PCDH11X: variants seen among roughly 807,000 people sequenced by gnomAD.
The protein encoded by PCDH11X is protocadherin-11 X-linked.
A neutral mutation model predicts 53.3 loss-of-function variants in PCDH11X; 18 were observed. The ratio of observed to expected loss-of-function variants is 0.34; its 90% CI spans 0.23 to 0.50. PCDH11X has a LOEUF of 0.50. PCDH11X is among the 20% of genes least tolerant of loss of function. The pLI, the probability that PCDH11X is intolerant of heterozygous loss-of-function variation, is 0.98. For missense variants in PCDH11X, 570 were observed against 1,032.4 expected, an observed-to-expected ratio of 0.55 and a Z score of 6.14; for synonymous variants, 279 against 393.3, an observed-to-expected ratio of 0.71 and a Z score of 3.44.
chrX:92,104,486 A>G (rs2064333071), intron 6 of PCDH11X, among the ~76,000 whole-genome samples: 1 of 111,144 alleles, frequency 9.0e-6, no homozygotes, highest in South Asian at 3.8e-4. Flanking sequence ...CCATTTTACA[A>G]CAAGAATTAT....
chrX:91,896,488 T>C (rs1004119344), intron 6 of PCDH11X, among the ~76,000 whole-genome samples: 2 of 99,757 alleles, frequency 2.0e-5, no homozygotes, highest in African/African-American at 7.4e-5. Flanking sequence ...CTGACCTAAT[T>C]TTCAAGACTG....
chrX:91,969,218 T>G (rs2061911304), intron 6 of PCDH11X, among the ~76,000 whole-genome samples: 1 of 109,801 alleles, frequency 9.1e-6, no homozygotes, highest in African/African-American at 3.3e-5. Flanking sequence ...TCAGAAAGGG[T>G]GGCTTAATTA....
intron 5 of PCDH11X, among the ~76,000 whole-genome samples, chrX:91,862,143 C>G (rs964646840): frequency 2.7e-5 from 3 of 109,380 alleles, no homozygotes; most frequent in African/African-American, 1.0e-4. Context: ...ATTCTCTCCT[C>G]TATTTTTTGC....
At chrX:92,293,480 C>T (rs1432859454) in intron 8 of PCDH11X, among the ~76,000 whole-genome samples, 4 of 109,422 alleles carry the variant, frequency 3.7e-5, no homozygotes, top group East Asian at 2.9e-4. Context: ...AAAAATTAGC[C>T]GGGCGTGGTA....
chrX:91,901,613 C>T (rs1166973525), intron 6 of PCDH11X, among the ~76,000 whole-genome samples: 1 of 110,645 alleles, frequency 9.0e-6, no homozygotes, highest in Non-Finnish European at 1.9e-5. Flanking sequence ...AAGAATATGA[C>T]TTATTATGTG....
rs2062276233 is a variant in PCDH11X at position 91,989,194 on chromosome X, A to G, written c.3033+109921A>G. Among the ~76,000 whole-genome samples, 6 of 110,195 alleles carry G rather than the reference A, an allele frequency of 5.4e-5. No homozygotes were observed. In the Admixed American group the frequency reaches 5.8e-4, roughly 11 times the overall value. On this transcript the variant is annotated intron_variant, in intron 6 of 10. Transcript: ENST00000682573. The stretch of plus-strand genomic sequence containing the variant: ...TCCTTCCTGATTCAATGTTGCTTAC[A>G]CTTCTTAAATAAAAAAAGCTACTGT...
intron 10 of PCDH11X, among the ~76,000 whole-genome samples, chrX:92,530,557 G>T (rs187071311): frequency 0.018 from 2,065 of 112,154 alleles, 55 homozygotes; most frequent in African/African-American, 0.063. Flanking sequence ...TAGTACATAA[G>T]TTACAGTAAT....
intron 8 of PCDH11X, among the ~76,000 whole-genome samples, chrX:92,268,238 C>T (rs1361289645): frequency 9.0e-6 from 1 of 111,005 alleles, no homozygotes; most frequent in Non-Finnish European, 1.9e-5. Context: ...AATGCTATTT[C>T]TTCTGTTTCT....
intron 6 of PCDH11X, among the ~76,000 whole-genome samples, chrX:92,084,214 T>A (rs1025674408): frequency 9.0e-6 from 1 of 111,365 alleles, no homozygotes; most frequent in South Asian, 3.7e-4. Flanking sequence ...CCATTTTTGT[T>A]AAGCTCACCG....
intron 6 of PCDH11X, among the ~76,000 whole-genome samples, chrX:92,011,927 G>A (rs1160888976): frequency 9.1e-6 from 1 of 110,174 alleles, no homozygotes; most frequent in Middle Eastern, 4.7e-3. Context: ...TCAGAATCTA[G>A]GCCTTCTTTC....
In PCDH11X at chrX:91,907,420, G is replaced by C. The variant is rs1275361958; in HGVS notation, c.3033+28147G>C. Among the ~76,000 whole-genome samples, 283 of 81,078 alleles carry C rather than the reference G, an allele frequency of 3.5e-3. 6 individuals are homozygous for C. The highest frequency in any genetic ancestry group is 0.012 in the African/African-American group (269 of 22,862). The allele number at this position is 81,078 out of a possible 115,157, so 70.4% of individuals were successfully genotyped here. ...ACACACACACACACACACAGAGAGA[G>C]AGAGAGAGAGAGAGAGAGAGAGGCT... On this transcript the variant is annotated intron_variant, in intron 6 of 10. Coordinates refer to ENST00000682573, the MANE Select transcript of PCDH11X (RefSeq NM_032968.5).
chrX:92,273,252 A>G (rs890451251), intron 8 of PCDH11X, among the ~76,000 whole-genome samples: 1 of 109,784 alleles, frequency 9.1e-6, no homozygotes, highest in East Asian at 2.9e-4. Flanking sequence ...ATTACAGTCA[A>G]AGGGGGTTGT....
intron 9 of PCDH11X, among the ~76,000 whole-genome samples, chrX:92,466,391 C>A (rs2073157904): frequency 9.2e-6 from 1 of 108,241 alleles, no homozygotes; most frequent in Non-Finnish European, 1.9e-5. Flanking sequence ...GGGCCTTTAG[C>A]TTACACAAAA....
chrX:92,596,933 T>A (rs1370431632), intron 10 of PCDH11X, among the ~76,000 whole-genome samples: 1 of 110,458 alleles, frequency 9.1e-6, no homozygotes, highest in African/African-American at 3.3e-5. Flanking sequence ...ATCAATAGAA[T>A]GAAAGAAAAA....
At chrX:92,314,381 G>T (rs972660728) in intron 8 of PCDH11X, among the ~76,000 whole-genome samples, 1 of 111,121 alleles carries the variant, frequency 9.0e-6, no homozygotes, top group African/African-American at 3.3e-5. Context: ...TGATAACAAT[G>T]CCGTCTTCTG....
chrX:92,001,173 G>GTA (rs1187537743), intron 6 of PCDH11X, among the ~76,000 whole-genome samples: 1 of 111,410 alleles, frequency 9.0e-6, no homozygotes, highest in African/African-American at 3.3e-5. Flanking sequence ...CCTGGTGATT[G>GTA]TACTAATTTC....
chrX:92,019,584 A>T (rs2062851139), intron 6 of PCDH11X, among the ~76,000 whole-genome samples: 1 of 112,099 alleles, frequency 8.9e-6, no homozygotes, highest in Non-Finnish European at 1.9e-5. Flanking sequence ...TTACATGGAA[A>T]CTGAATAACC....
intron 6 of PCDH11X, among the ~76,000 whole-genome samples, chrX:92,189,190 A>G (rs2148304221): frequency 9.0e-6 from 1 of 111,064 alleles, no homozygotes; most frequent in Admixed American, 9.6e-5. Context: ...TCCATTAGCT[A>G]TTCTTCCTGA....
At chrX:92,393,765 G>A (rs1359657156) in intron 9 of PCDH11X, among the ~76,000 whole-genome samples, 1 of 110,378 alleles carries the variant, frequency 9.1e-6, no homozygotes, top group African/African-American at 3.3e-5. Flanking sequence ...ATAAAGAATG[G>A]TTCCACCCAA....
Sources: gnomAD v4.1 joint callset for allele counts (sites outside exome capture counted in the v4.1 genomes callset) on GRCh38, gnomAD v4.1.1 for gene constraint, MANE v1.5 for transcripts, NCBI Gene and HGNC (gene_info 2026-07-23, HGNC 2026-07-21) for gene names.